The following KIF1A variants were observed in gnomAD, a reference collection of about 807,000 sequenced individuals.
KIF1A encodes the protein kinesin family member 1A.
A neutral mutation model predicts 227.3 loss-of-function variants in KIF1A; 46 were observed. The ratio of observed to expected loss-of-function variants is 0.20; its 90% CI spans 0.16 to 0.26. KIF1A has a LOEUF of 0.26. Ranked by LOEUF, KIF1A falls within the 10% of genes least tolerant of loss-of-function variation. KIF1A has a pLI of 1.00. For missense variants in KIF1A, 1,683 were observed against 2,485.9 expected (o/e 0.68, Z 6.87); for synonymous variants, 1,022 against 1,012.8 (o/e 1.01, Z -0.17).
chr2:240,735,949 C>A (rs1383510503), intron 38 of KIF1A, among the ~76,000 whole-genome samples: 1 of 152,006 alleles, frequency 6.6e-6, no homozygotes, highest in Non-Finnish European at 1.5e-5. Flanking sequence ...AGAGCTGCAT[C>A]CACCCTGCCC....
rs553557901 is a variant in KIF1A, at chr2:240,798,350, G to A, written c.-60-538C>T. Among the ~76,000 whole-genome samples the A allele has an allele frequency of 2.6e-5, 4 of 152,386 alleles. No individual in the cohort carries two copies. The East Asian group carries it at 5.8e-4, about 22-fold the overall frequency. On this transcript the variant is annotated intron_variant, in intron 1 of 48. Transcript: ENST00000498729. ...ACTTTACTCAGAAATGAAAAGAACA[G>A]CACAGACAGCCCTAAGCAATGGGAC...
chr2:240,715,802 C>G lies in KIF1A; in HGVS notation c.*1562G>C, dbSNP rs577161038. 6.6e-6 allele frequency: 1 copy of G among 152,336 alleles called. No homozygotes were observed. Among genetic ancestry groups the G allele is most frequent in the African/African-American group, 2.4e-5 (1 of 41,424 alleles). 9.4% of individuals were successfully genotyped at this position (152,336 alleles called of 1,614,324 possible). A position where few individuals can be genotyped will look rare whatever the true frequency, so the allele number is the denominator to read the frequency against. Reference sequence around the variant, plus strand: ...AACCAGTGGGGTGCTGCGTTTCCCCCACTCCAGGAGGCAGGATCTGATGAA... The same window carrying G: ...AACCAGTGGGGTGCTGCGTTTCCCCGACTCCAGGAGGCAGGATCTGATGAA... On this transcript the variant is annotated 3_prime_UTR_variant, in exon 49 of 49. Coordinates refer to ENST00000498729, the MANE Select transcript of KIF1A (RefSeq NM_001244008.2).
intron 25 of KIF1A, among the ~76,000 whole-genome samples, chr2:240,760,328 G>T (rs1342852698): frequency 6.6e-6 from 1 of 152,248 alleles, no homozygotes; most frequent in Non-Finnish European, 1.5e-5. Context: ...CGCTCCGCCA[G>T]CCTGTTCTGT....
In KIF1A at chr2:240,788,171, C is replaced by T; in HGVS notation, c.243G>A (p.Met81Ile). Reference sequence around the variant, plus strand: ...TGTATCCCTCAAAGGCATGCTGCAGCATCTCCTCGCCGATGTCCCGGTACA... The same window carrying T: ...TGTATCCCTCAAAGGCATGCTGCAGTATCTCCTCGCCGATGTCCCGGTACA... ...KQVYRDIGEE[M>I]LQHAFEGYNV... Residue 81 changes from methionine (M) to isoleucine (I), a missense_variant, in exon 4 of 49, where the codon ATG becomes ATA. Coordinates refer to ENST00000498729, the MANE Select transcript of KIF1A (RefSeq NM_001244008.2). The surrounding 1 kb of genome is among the most constrained non-coding windows in gnomAD (Gnocchi z 6.6). The T allele has an allele frequency of 6.2e-7, 1 of 1,613,858 alleles. No individual in the cohort carries two copies.
chr2:240,767,601 A>G (rs1039445026), intron 17 of KIF1A, among the ~76,000 whole-genome samples: 9 of 152,282 alleles, frequency 5.9e-5, no homozygotes, highest in African/African-American at 1.2e-4. Flanking sequence ...CTGGCACAGC[A>G]GCCCCAGCAC....
At chr2:240,782,132 ACGTGG>A (rs2054117726) in intron 10 of KIF1A, 2 of 984,832 alleles carry the variant, frequency 2.0e-6, no homozygotes, top group Middle Eastern at 5.2e-4. Context: ...GCAGCTTCAC[ACGTGG>A]CGCGCTCCGC....
chr2:240,738,045 C>A (rs1021787980), intron 37 of KIF1A, among the ~76,000 whole-genome samples: 1 of 152,216 alleles, frequency 6.6e-6, no homozygotes, highest in South Asian at 2.1e-4. Flanking sequence ...CCCTTCCCCA[C>A]GCCAGGGCCC....
intron 2 of KIF1A, among the ~76,000 whole-genome samples, chr2:240,791,388 C>A (rs2055657106): frequency 6.6e-6 from 1 of 152,100 alleles, no homozygotes; most frequent in Admixed American, 6.5e-5. Flanking sequence ...CCACCTCATC[C>A]CCTCACTCCG....
At chr2:240,794,653 G>A (rs906898787) in intron 2 of KIF1A, among the ~76,000 whole-genome samples, 1 of 152,220 alleles carries the variant, frequency 6.6e-6, no homozygotes, top group East Asian at 1.9e-4. Flanking sequence ...CGTTTCAAAC[G>A]CACACCTTTG....
chr2:240,780,848 C>CACACA (rs1559522638), intron 10 of KIF1A, among the ~76,000 whole-genome samples: 1 of 20,244 alleles, frequency 4.9e-5, no homozygotes. Flanking sequence ...ACACACAGCT[C>CACACA]CACACACACA....
At chr2:240,780,759 CCCACACA>C (rs1559522277) in intron 10 of KIF1A, among the ~76,000 whole-genome samples, 10 of 150,136 alleles carry the variant, frequency 6.7e-5, no homozygotes, top group Middle Eastern at 3.4e-3. Flanking sequence ...CTGCAGGCTC[CCCACACA>C]GCTCCACACA....
At chr2:240,731,145 C>A (rs1211348478) in intron 38 of KIF1A, among the ~76,000 whole-genome samples, 1 of 152,196 alleles carries the variant, frequency 6.6e-6, no homozygotes, top group East Asian at 1.9e-4. Context: ...TACAGCTAGG[C>A]TAGTGAGAAG....
intron 11 of KIF1A, 39 bp from the exon 12 acceptor site, chr2:240,774,300 T>A: frequency 7.1e-7 from 1 of 1,399,972 alleles, no homozygotes; most frequent in Non-Finnish European, 1.0e-6. Context: ...GAGGGGGATC[T>A]AGGCCCCAGG....
intron 4 of KIF1A, 99 bp downstream of exon 4, chr2:240,787,952 C>G: frequency 8.4e-7 from 1 of 1,193,730 alleles, no homozygotes; most frequent in Non-Finnish European, 1.2e-6. Flanking sequence ...TCCCTGCTCT[C>G]TGGGGGCTGC....
rs1044518353 is a variant in KIF1A at position 240,782,570 on chromosome 2, G to C, written c.882+20C>G. 1 of 1,551,752 alleles carries C rather than the reference G, an allele frequency of 6.4e-7. No homozygotes were observed. Among genetic ancestry groups the C allele is most frequent in the African/African-American group, 1.4e-5 (1 of 73,214 alleles). On this transcript the variant is annotated intron_variant, in intron 10 of 48. Coordinates refer to ENST00000498729, the MANE Select transcript of KIF1A (RefSeq NM_001244008.2). ...CACCAGCCTCCCGCACCTGCCCCGG[G>C]GCTGAAGGAAGCCGCTTACCTTGTT... is the stretch of plus-strand genomic sequence containing the variant.
At chr2:240,785,132 C>T in intron 6 of KIF1A, 32 bp from the exon 7 acceptor site, 2 of 1,565,128 alleles carry the variant, frequency 1.3e-6, no homozygotes, top group Non-Finnish European at 1.8e-6. Context: ...ACGGTTACCC[C>T]TCGTCCTGTG....
chr2:240,742,134 A>G (rs888798733), intron 34 of KIF1A, among the ~76,000 whole-genome samples: 4 of 152,206 alleles, frequency 2.6e-5, no homozygotes, highest in Admixed American at 2.6e-4. Context: ...CAGTGTCCTC[A>G]GCCCGCAAAC....
In KIF1A at chr2:240,757,686, T is replaced by C. The variant is rs2125870711; in HGVS notation, c.2583-92A>G. The C allele has an allele frequency of 1.5e-6, 2 of 1,304,126 alleles. No homozygotes were observed. Among genetic ancestry groups the C allele is most frequent in the East Asian group, 2.5e-5 (1 of 39,402 alleles). 80.8% of individuals were successfully genotyped at this position (1,304,126 alleles called of 1,614,324 possible). On this transcript the variant is annotated intron_variant, in intron 26 of 48. Coordinates refer to ENST00000498729, the MANE Select transcript of KIF1A (RefSeq NM_001244008.2). The surrounding 1 kb of genome is among the most constrained non-coding windows in gnomAD (Gnocchi z 6.2). ...GGGCCGGGGCTGGGGGGCTTCTGTT[T>C]AAAACCAAAACCAAACACACAGACC...
Position 240,757,214 on chromosome 2 carries a change from TG to T in KIF1A, c.2858+104del. 1 of 1,209,594 alleles carries T rather than the reference TG, an allele frequency of 8.3e-7. No homozygotes were observed. The highest frequency in any genetic ancestry group is 1.2e-6 in the Non-Finnish European group (1 of 859,526). The allele number at this position is 1,209,594 out of a possible 1,614,324, so 74.9% of individuals were successfully genotyped here. On this transcript the variant is annotated intron_variant, in intron 27 of 48. Coordinates refer to ENST00000498729, the MANE Select transcript of KIF1A (RefSeq NM_001244008.2). The surrounding 1 kb of genome is among the most constrained non-coding windows in gnomAD (Gnocchi z 6.2). ...GCCCCTCCACCTGCCTCGCCTGCCC[TG>T]GGAGGGCCCGGGCCAGGCCCCAGCG...
Sources: gnomAD v4.1 joint callset for allele counts (sites outside exome capture counted in the v4.1 genomes callset) on GRCh38, gnomAD v4.1.1 for gene constraint, Gnocchi (gnomAD v3.1) non-coding constraint, MANE v1.5 for transcripts, NCBI Gene and HGNC (gene_info 2026-07-23, HGNC 2026-07-21) for gene names.